Variants in MAP2 observed in about 807,000 individuals in gnomAD.
MAP2 encodes the protein microtubule-associated protein 2.
In MAP2, 14 loss-of-function variants were observed where a neutral mutation model predicts 137.6. The observed-to-expected ratio is 0.10, with a 90% CI of 0.07 to 0.16. The LOEUF (loss-of-function observed/expected upper bound fraction) is 0.16, where lower values mean the gene tolerates loss of function less well. MAP2 is among the 10% of genes least tolerant of loss of function. The pLI is 1.00. For missense variants in MAP2, 2,088 were observed against 2,191.5 expected (o/e 0.95, Z 0.94); for synonymous variants, 786 against 782.3 (o/e 1.00, Z -0.08).
intron 1 of MAP2, among the ~76,000 whole-genome samples, chr2:209,435,411 C>T (rs1695672161): frequency 6.6e-6 from 1 of 151,576 alleles, no homozygotes; most frequent in Non-Finnish European, 1.5e-5. Context: ...AGGACAATAG[C>T]AATATCAAAG....
At chr2:209,658,210 G>A (rs2153625146) in intron 5 of MAP2, among the ~76,000 whole-genome samples, 1 of 152,164 alleles carries the variant, frequency 6.6e-6, no homozygotes, top group East Asian at 1.9e-4. Context: ...AAAATGGAAA[G>A]TGACCTTTCA....
chr2:209,711,848 G>T (rs943187529), intron 13 of MAP2, among the ~76,000 whole-genome samples: 3 of 151,962 alleles, frequency 2.0e-5, no homozygotes, highest in Non-Finnish European at 2.9e-5. Context: ...TTAAAAATCA[G>T]TTCTTTTAAA....
chr2:209,497,902 T>C (rs77702811), intron 1 of MAP2, among the ~76,000 whole-genome samples: 2 of 152,296 alleles, frequency 1.3e-5, no homozygotes, highest in African/African-American at 2.4e-5. Flanking sequence ...GCGACAAATA[T>C]GAAAACTATA....
At chr2:209,636,578 TAC>T (rs199977019) in intron 4 of MAP2, among the ~76,000 whole-genome samples, 1,924 of 144,724 alleles carry the variant, frequency 0.013, 120 homozygotes, top group Admixed American at 0.1. Context: ...TATATATATA[TAC>T]ACACACACAC....
intron 1 of MAP2, among the ~76,000 whole-genome samples, chr2:209,466,027 G>A (rs1353903653): frequency 6.6e-6 from 1 of 152,100 alleles, no homozygotes; most frequent in Admixed American, 6.6e-5. Context: ...ATGACCCAAA[G>A]CTGTCATTGA....
intron 1 of MAP2, among the ~76,000 whole-genome samples, chr2:209,424,677 T>A (rs1692045991): frequency 6.6e-6 from 1 of 152,184 alleles, no homozygotes; most frequent in African/African-American, 2.4e-5. Flanking sequence ...GGTAGGGGAT[T>A]TTTTTGTTCA....
chr2:209,617,019 C>T (rs1348178516), intron 3 of MAP2, among the ~76,000 whole-genome samples: 3 of 144,104 alleles, frequency 2.1e-5, no homozygotes, highest in Non-Finnish European at 4.4e-5. Context: ...CAAGGTAGAT[C>T]AAAGCATTTC....
chr2:209,478,954 C>T (rs886900424), intron 1 of MAP2, among the ~76,000 whole-genome samples: 1 of 152,144 alleles, frequency 6.6e-6, no homozygotes, highest in African/African-American at 2.4e-5. Context: ...CTAACATTTA[C>T]CCAGTCACAC....
At chr2:209,572,493 T>G (rs2074561511) in intron 2 of MAP2, among the ~76,000 whole-genome samples, 1 of 152,154 alleles carries the variant, frequency 6.6e-6, no homozygotes, top group South Asian at 2.1e-4. Flanking sequence ...ACTTTGGGCT[T>G]GTATAATATC....
intron 1 of MAP2, among the ~76,000 whole-genome samples, chr2:209,473,560 C>T (rs1367860796): frequency 2.0e-5 from 3 of 151,746 alleles, no homozygotes; most frequent in Non-Finnish European, 4.4e-5. Context: ...GATTTATCAC[C>T]CCCAAGTGTC....
intron 1 of MAP2, among the ~76,000 whole-genome samples, chr2:209,429,092 T>G (rs1361425279): frequency 6.6e-6 from 1 of 152,018 alleles, no homozygotes; most frequent in African/African-American, 2.4e-5. Flanking sequence ...TAGCTGGGAC[T>G]ACAGGCGCCC....
Position 209,730,190 on chromosome 2 carries a change from C to G in MAP2, c.5277C>G (p.Ser1759Arg). Reference protein sequence around the residue: ...VPGGGNVKIDSQKLNFREHAK... With the variant: ...VPGGGNVKIDRQKLNFREHAK... ...ATGCTTGTCTTAAACAGATTGACAG[C>G]CAAAAGTTGAACTTCAGAGAGCATG... The change falls in exon 16 of 16, where the codon AGC becomes AGG. Residue 1759 changes from serine (S) to arginine (R), a missense_variant. Coordinates refer to ENST00000682079, the MANE Select transcript of MAP2 (RefSeq NM_001375505.1). 3 of 1,613,754 alleles carry G rather than the reference C, an allele frequency of 1.9e-6. No homozygotes were observed. The highest frequency in any genetic ancestry group is 2.5e-6 in the Non-Finnish European group (3 of 1,179,796).
intron 1 of MAP2, among the ~76,000 whole-genome samples, chr2:209,441,135 T>G (rs1697656897): frequency 6.6e-6 from 1 of 151,510 alleles, no homozygotes; most frequent in Non-Finnish European, 1.5e-5. Context: ...AAGATGAGAC[T>G]GAGACAAAGT....
intron 2 of MAP2, among the ~76,000 whole-genome samples, chr2:209,560,806 A>G (rs916526653): frequency 5.3e-5 from 8 of 152,106 alleles, no homozygotes; most frequent in Non-Finnish European, 8.8e-5. Flanking sequence ...AATACATACT[A>G]TAAATATGAT....
At chr2:209,574,461 AG>A in intron 2 of MAP2, among the ~76,000 whole-genome samples, 1 of 151,000 alleles carries the variant, frequency 6.6e-6, no homozygotes, top group Non-Finnish European at 1.5e-5. Flanking sequence ...ACACACACAC[AG>A]ACACAGAGAT....
At chr2:209,700,029 C>T (rs898566445) in intron 10 of MAP2, among the ~76,000 whole-genome samples, 15 of 152,182 alleles carry the variant, frequency 9.9e-5, no homozygotes, top group African/African-American at 2.9e-4. Context: ...AGAAAAATTA[C>T]GTGGTGTGCT....
chr2:209,491,076 A>G (rs1461173784), intron 1 of MAP2, among the ~76,000 whole-genome samples: 1 of 152,212 alleles, frequency 6.6e-6, no homozygotes, highest in Non-Finnish European at 1.5e-5. Flanking sequence ...CAAATGCAAA[A>G]GAACACAAAT....
At chr2:209,673,715 A>G (rs1055454057) in intron 5 of MAP2, among the ~76,000 whole-genome samples, 3 of 151,938 alleles carry the variant, frequency 2.0e-5, no homozygotes, top group Middle Eastern at 3.4e-3. Context: ...TAATTCCCCA[A>G]TTTATGTGTA....
intron 7 of MAP2, chr2:209,690,579 G>A: frequency 7.9e-7 from 1 of 1,266,118 alleles, no homozygotes; most frequent in South Asian, 1.3e-5. Flanking sequence ...TGGTCATGAT[G>A]TCAACATCTT....
Sources: allele counts gnomAD v4.1 joint callset (sites outside exome capture counted in the v4.1 genomes callset), GRCh38; gene constraint gnomAD v4.1.1; transcripts MANE v1.5; gene names NCBI Gene and HGNC (gene_info 2026-07-23, HGNC 2026-07-21).